The following TRIM37 variants were observed in gnomAD, a reference collection of about 807,000 sequenced individuals.
The protein encoded by TRIM37 is tripartite motif containing 37, also known as E3 ubiquitin-protein ligase TRIM37.
In TRIM37, 80 loss-of-function variants were observed where a neutral mutation model predicts 129.8. The ratio of observed to expected loss-of-function variants is 0.62; its 90% CI spans 0.51 to 0.74. The LOEUF is 0.74. TRIM37 is among the 30% of genes least tolerant of loss of function. The pLI is 0.00. For synonymous variants in TRIM37, 389 were observed against 387.1 expected (o/e 1.00, Z -0.06); for missense variants, 1,054 against 1,176.5 (o/e 0.90, Z 1.52).
intron 8 of TRIM37, among the ~76,000 whole-genome samples, chr17:59,074,289 G>A (rs111720587): frequency 0.036 from 5,440 of 152,246 alleles, 149 homozygotes; most frequent in South Asian, 0.077. Context: ...TTTGTATATG[G>A]GAGATGTGTA....
At position 59,049,313 on chromosome 17, in the gene TRIM37, A is replaced by C. The variant is rs960801368; in HGVS notation, c.1395T>G (p.Asp465Glu). The stretch of plus-strand genomic sequence containing the variant: ...TCTTAGCTCGTGTCTCCAGAGCATC[A>C]TCATTTTGGGGGCTAAGATGGTTAT... Reference protein sequence around the residue: ...PPDNHLSPQNDDALETRAKKS... With the variant: ...PPDNHLSPQNEDALETRAKKS... The change falls in exon 15 of 24, where the codon GAT (aspartate) becomes GAG (glutamate). Residue 465 changes from aspartate to glutamate, a missense_variant. By Grantham distance (45) the Asp-to-Glu change is conservative (BLOSUM62 2). This residue lies in a region of TRIM37 where 752 missense variants were observed against 870.8 expected (regional missense o/e 0.86). Transcript: ENST00000262294. 1.9e-6 allele frequency: 3 copies of C among 1,614,036 alleles called. No individual in the cohort carries two copies. The African/African-American group carries it at 4.0e-5, about 22-fold the overall frequency.
At chr17:59,054,637 C>G (rs914568466) in intron 13 of TRIM37, among the ~76,000 whole-genome samples, 2 of 150,810 alleles carry the variant, frequency 1.3e-5, no homozygotes, top group Admixed American at 6.6e-5. Flanking sequence ...AAGACTACCC[C>G]ACGTTAAACA....
At chr17:59,042,923 A>T (rs1049151556) in intron 16 of TRIM37, among the ~76,000 whole-genome samples, 1 of 152,220 alleles carries the variant, frequency 6.6e-6, no homozygotes, top group African/African-American at 2.4e-5. Flanking sequence ...AAACACTAAT[A>T]AATACAAGAA....
At chr17:59,069,548 ATCTC>A (rs1204896160) in intron 9 of TRIM37, among the ~76,000 whole-genome samples, 3 of 152,094 alleles carry the variant, frequency 2.0e-5, no homozygotes, top group Non-Finnish European at 2.9e-5. Context: ...TCCATAAGTC[ATCTC>A]TCTAAGATAA....
At chr17:59,005,573 G>A (rs1324814626) in intron 22 of TRIM37, among the ~76,000 whole-genome samples, 1 of 152,124 alleles carries the variant, frequency 6.6e-6, no homozygotes, top group Non-Finnish European at 1.5e-5. Flanking sequence ...GTGAGCCACC[G>A]CATCCAGCCT....
chr17:59,101,655 CAAAAAAAA>C (rs763661189), intron 2 of TRIM37, among the ~76,000 whole-genome samples: 7 of 58,760 alleles, frequency 1.2e-4, no homozygotes, highest in African/African-American at 4.0e-4. Flanking sequence ...CCCATCTCTA[CAAAAAAAA>C]AAAAAAAAAA....
At chr17:59,070,718 AAG>A (rs1019389434) in intron 9 of TRIM37, 103 bp downstream of exon 9, 406 of 1,270,496 alleles carry the variant, frequency 3.2e-4, no homozygotes, top group Non-Finnish European at 3.7e-4. Flanking sequence ...TATAAAAGAA[AAG>A]AGAGAGAGAG....
At chr17:59,083,859 T>TAC in intron 5 of TRIM37, 143 bp downstream of exon 5, 1 of 707,774 alleles carries the variant, frequency 1.4e-6, no homozygotes, top group Non-Finnish European at 2.5e-6. Context: ...AAAAGTACAA[T>TAC]ACCTTTAATA....
intron 3 of TRIM37, among the ~76,000 whole-genome samples, chr17:59,090,986 A>C (rs1399422586): frequency 3.9e-5 from 6 of 152,146 alleles, no homozygotes; most frequent in Non-Finnish European, 8.8e-5. Context: ...TAATTATAAA[A>C]GATAAATTAT....
chr17:58,994,750 C>CT (rs796722512), downstream of TRIM37, among the ~76,000 whole-genome samples: 1,622 of 142,400 alleles, frequency 0.011, 15 homozygotes, highest in African/African-American at 0.02. Flanking sequence ...TTCTTTCTTT[C>CT]TTTTTTTTTT....
intron 2 of TRIM37, among the ~76,000 whole-genome samples, chr17:59,094,490 T>C (rs2044676524): frequency 6.6e-6 from 1 of 152,164 alleles, no homozygotes; most frequent in African/African-American, 2.4e-5. Flanking sequence ...CACATGACAT[T>C]GGACAAGTGA....
chr17:59,098,082 T>C (rs1440231158), intron 2 of TRIM37, among the ~76,000 whole-genome samples: 1 of 152,118 alleles, frequency 6.6e-6, no homozygotes, highest in Non-Finnish European at 1.5e-5. Flanking sequence ...GGTACTACCA[T>C]AAGAACAGAA....
rs1230965459 is a variant in TRIM37, at chr17:59,052,951, TC to T, written c.1200-1624del. Among the ~76,000 whole-genome samples the T allele has an allele frequency of 4.1e-5, 6 of 145,108 alleles. No individual in the cohort carries two copies. In the East Asian group the frequency reaches 1.2e-3, roughly 29 times the overall value. The stretch of plus-strand genomic sequence containing the variant: ...GCCTGGGCAACAGAGCGAAACTCTG[TC>T]TCAAAAAATCAAATCAAATCAAATC... On this transcript the variant is annotated intron_variant, in intron 13 of 23. Coordinates refer to ENST00000262294, the MANE Select transcript of TRIM37 (RefSeq NM_015294.6).
intron 17 of TRIM37, 66 bp downstream of exon 17, chr17:59,041,747 T>C: frequency 1.7e-6 from 2 of 1,208,482 alleles, no homozygotes. Flanking sequence ...ATTTAAAATA[T>C]AATACAGTCA....
intron 8 of TRIM37, among the ~76,000 whole-genome samples, chr17:59,074,072 T>C (rs886395967): frequency 1.3e-5 from 2 of 152,240 alleles, no homozygotes; most frequent in African/African-American, 4.8e-5. Context: ...GTTATATTTT[T>C]ATACAACTAG....
At chr17:59,044,711 G>C (rs1568074152) in intron 16 of TRIM37, among the ~76,000 whole-genome samples, 1 of 152,268 alleles carries the variant, frequency 6.6e-6, no homozygotes, top group East Asian at 1.9e-4. Context: ...TGATTTAAAA[G>C]TATAGGGGAG....
the TRIM37 span, among the ~76,000 whole-genome samples, chr17:58,972,602 C>T: frequency 6.6e-6 from 1 of 152,156 alleles, no homozygotes; most frequent in South Asian, 2.1e-4. Context: ...CTGCCTGCTT[C>T]GGCCTCCCAA....
rs186905046 is a variant in TRIM37, at chr17:59,075,506, G to T, written c.684+141C>A. The T allele has an allele frequency of 0.011, 6,659 of 599,754 alleles. 57 individuals are homozygous for T. The highest frequency in any genetic ancestry group is 0.02 in the Middle Eastern group (41 of 2,076). 37.2% of individuals were successfully genotyped at this position (599,754 alleles called of 1,614,324 possible). A position where few individuals can be genotyped will look rare whatever the true frequency, so the allele number is the denominator to read the frequency against. On this transcript the variant is annotated intron_variant, in intron 8 of 23. Coordinates refer to ENST00000262294, the MANE Select transcript of TRIM37 (RefSeq NM_015294.6). ...GTGAACCCAGGAGGCGGAGTTTACAGTGAGCCGAGATCGCGCCACTGCACT... is the reference window on the plus strand; with the variant it reads ...GTGAACCCAGGAGGCGGAGTTTACATTGAGCCGAGATCGCGCCACTGCACT...
intron 22 of TRIM37, among the ~76,000 whole-genome samples, chr17:59,011,924 T>C (rs1316936313): frequency 2.0e-5 from 3 of 152,212 alleles, no homozygotes; most frequent in Non-Finnish European, 2.9e-5. Flanking sequence ...TAATTCAACT[T>C]TGTATTAATA....
Sources: allele counts gnomAD v4.1 joint callset (sites outside exome capture counted in the v4.1 genomes callset), GRCh38; gene constraint gnomAD v4.1.1; regional missense constraint gnomAD v4.1.1; transcripts MANE v1.5; gene names NCBI Gene and HGNC (gene_info 2026-07-23, HGNC 2026-07-21).